The following MSRB3 variants were observed in gnomAD, a reference collection of about 807,000 sequenced individuals.
MSRB3 encodes methionine sulfoxide reductase B3, also known as methionine-R-sulfoxide reductase B3.
A neutral mutation model predicts 21.0 loss-of-function variants in MSRB3; 13 were observed. That is an observed-to-expected ratio of 0.62 (90% CI 0.40 to 0.98). MSRB3 has a LOEUF of 0.98. Ranked by LOEUF, MSRB3 falls within the 50% of genes least tolerant of loss-of-function variation. The pLI is 0.00. For missense variants in MSRB3, 199 were observed against 230.3 expected (o/e 0.86, Z 0.88); for synonymous variants, 87 against 88.6 (o/e 0.98, Z 0.10).
rs61621984 is a variant in MSRB3 at position 65,328,868 on chromosome 12, G to A, written c.263+265G>A. Among the ~76,000 whole-genome samples, 13,322 of 152,226 alleles carry A rather than the reference G, an allele frequency of 0.088. 1,999 individuals carry two copies. Among genetic ancestry groups the A allele is most frequent in the African/African-American group, 0.3 (12,617 of 41,494 alleles). ...AGTAACCATGGTGCTTAGCAGAGCT[G>A]TGAAAGAGATTTTGGCAAGCATAGA... is the stretch of plus-strand genomic sequence containing the variant. On this transcript the variant is annotated intron_variant, in intron 4 of 6. Coordinates refer to ENST00000308259, the MANE Select transcript of MSRB3 (RefSeq NM_001031679.3).
At chr12:65,302,031 A>G (rs917540935) in intron 1 of MSRB3, among the ~76,000 whole-genome samples, 2 of 152,130 alleles carry the variant, frequency 1.3e-5, no homozygotes, top group African/African-American at 2.4e-5. Flanking sequence ...TTAAGCTTTC[A>G]GGTTAAAATA....
intron 5 of MSRB3, among the ~76,000 whole-genome samples, chr12:65,369,785 A>G (rs1878218079): frequency 6.6e-6 from 1 of 152,190 alleles, no homozygotes; most frequent in Admixed American, 6.5e-5. Flanking sequence ...ATAAATAAAC[A>G]TTAATTTTTG....
chr12:65,433,800 C>T (rs1881993293), intron 5 of MSRB3, among the ~76,000 whole-genome samples: 1 of 151,898 alleles, frequency 6.6e-6, no homozygotes. Flanking sequence ...TTGCATGTCT[C>T]CAAGATTCTC....
At chr12:65,354,673 G>T (rs1877275657) in intron 4 of MSRB3, among the ~76,000 whole-genome samples, 2 of 151,672 alleles carry the variant, frequency 1.3e-5, no homozygotes, top group South Asian at 4.1e-4. Context: ...AAAGGCCAAA[G>T]GTAGATGTAT....
chr12:65,431,090 T>A (rs1275291743), intron 5 of MSRB3, among the ~76,000 whole-genome samples: 1 of 152,090 alleles, frequency 6.6e-6, no homozygotes, highest in Admixed American at 6.6e-5. Flanking sequence ...TTATGAGTCA[T>A]AAAATTCTTT....
At chr12:65,305,856 C>T (rs1261966082) in intron 1 of MSRB3, among the ~76,000 whole-genome samples, 1 of 152,136 alleles carries the variant, frequency 6.6e-6, no homozygotes, top group Non-Finnish European at 1.5e-5. Context: ...CTTGTTAACT[C>T]TAAGAAGGAG....
intron 5 of MSRB3, among the ~76,000 whole-genome samples, chr12:65,445,685 G>A (rs763594504): frequency 4.7e-4 from 66 of 141,314 alleles, no homozygotes; most frequent in Non-Finnish European, 5.0e-4. Context: ...TCACTCTGTC[G>A]CCCAGGCTGG....
chr12:65,337,149 A>G (rs543277610), intron 4 of MSRB3, among the ~76,000 whole-genome samples: 16 of 152,292 alleles, frequency 1.1e-4, no homozygotes, highest in Non-Finnish European at 1.6e-4. Context: ...AGGCTGAGGC[A>G]GGAGAATGGC....
chr12:65,425,348 C>T (rs1443704226), intron 5 of MSRB3, among the ~76,000 whole-genome samples: 1 of 151,982 alleles, frequency 6.6e-6, no homozygotes, highest in Admixed American at 6.6e-5. Context: ...GGTTCATTTA[C>T]ATTCAAGGTA....
intron 5 of MSRB3, among the ~76,000 whole-genome samples, chr12:65,430,410 T>A (rs1359834340): frequency 2.0e-5 from 3 of 152,182 alleles, no homozygotes; most frequent in Non-Finnish European, 4.4e-5. Context: ...TGTTTGTCCC[T>A]GGGAAAGATT....
At chr12:65,458,178 G>T (rs1883174821) in intron 6 of MSRB3, among the ~76,000 whole-genome samples, 1 of 152,154 alleles carries the variant, frequency 6.6e-6, no homozygotes. Context: ...AACTCAACCT[G>T]ATCAGCAGTT....
At chr12:65,312,521 A>T (rs1279226871) in intron 2 of MSRB3, among the ~76,000 whole-genome samples, 1 of 152,076 alleles carries the variant, frequency 6.6e-6, no homozygotes, top group Non-Finnish European at 1.5e-5. Flanking sequence ...TCTAAATAGT[A>T]CTAATTAGAG....
chr12:65,397,962 T>C (rs565804027), intron 5 of MSRB3, among the ~76,000 whole-genome samples: 4 of 152,242 alleles, frequency 2.6e-5, no homozygotes, highest in African/African-American at 4.8e-5. Flanking sequence ...GGCTACATAG[T>C]ATTCCATGAT....
chr12:65,356,055 T>C (rs959254227), intron 4 of MSRB3, among the ~76,000 whole-genome samples: 1 of 151,952 alleles, frequency 6.6e-6, no homozygotes, highest in South Asian at 2.1e-4. Flanking sequence ...TTTTCATGCT[T>C]TCCAGATTTG....
rs1178955091 is a variant in MSRB3, at chr12:65,466,539, A to G, written c.*3217A>G. The G allele has an allele frequency of 6.6e-6, 1 of 152,196 alleles. No individual in the cohort carries two copies. Among genetic ancestry groups the G allele is most frequent in the Non-Finnish European group, 1.5e-5 (1 of 68,038 alleles). The allele number at this position is 152,196 out of a possible 1,614,324, so 9.4% of individuals were successfully genotyped here. On this transcript the variant is annotated 3_prime_UTR_variant, in exon 7 of 7. Coordinates refer to ENST00000308259, the MANE Select transcript of MSRB3 (RefSeq NM_001031679.3). ...AGAATTCTGTTGGTGTGCAAAAAGT[A>G]TAGCCTTACATTCAAGCAGAATGGA...
chr12:65,441,210 C>G (rs892936803), intron 5 of MSRB3, among the ~76,000 whole-genome samples: 1 of 151,916 alleles, frequency 6.6e-6, no homozygotes, highest in Non-Finnish European at 1.5e-5. Flanking sequence ...TTGAAACCAT[C>G]AAATTGCAAG....
chr12:65,283,124 G>T (rs1002483043), intron 1 of MSRB3, among the ~76,000 whole-genome samples: 8 of 152,200 alleles, frequency 5.3e-5, no homozygotes, highest in African/African-American at 1.9e-4. Context: ...TAGGGACTGA[G>T]AATTTATCAG....
intron 4 of MSRB3, 47 bp downstream of exon 4, chr12:65,328,650 G>A: frequency 1.6e-6 from 2 of 1,220,914 alleles, no homozygotes; most frequent in Non-Finnish European, 2.4e-6. Context: ...ATAGATGGCA[G>A]CAAACTAGTT....
At chr12:65,290,816 C>G (rs1872625579) in intron 1 of MSRB3, among the ~76,000 whole-genome samples, 2 of 152,218 alleles carry the variant, frequency 1.3e-5, no homozygotes, top group South Asian at 4.2e-4. Context: ...AAGTAAGTTG[C>G]ATCTGTTAAG....
Sources: gnomAD v4.1 joint callset for allele counts (sites outside exome capture counted in the v4.1 genomes callset) on GRCh38, gnomAD v4.1.1 for gene constraint, MANE v1.5 for transcripts, NCBI Gene and HGNC (gene_info 2026-07-23, HGNC 2026-07-21) for gene names.